Variants in PER3 observed in about 807,000 individuals in gnomAD.
PER3 encodes period circadian regulator 3.
Under a neutral mutation model 127.2 loss-of-function variants are expected in PER3, and 107 were observed. That is an observed-to-expected ratio of 0.84 (90% CI 0.72 to 0.99). The LOEUF (loss-of-function observed/expected upper bound fraction) is 0.99. Among genes scored for constraint, PER3 ranks in the 50% least tolerant of loss-of-function variants. The pLI is 0.00. For synonymous variants in PER3, 618 were observed against 585.8 expected, an observed-to-expected ratio of 1.05 and a Z score of -0.79; for missense variants, 1,560 against 1,525.8, an observed-to-expected ratio of 1.02 and a Z score of -0.37.
At position 7,794,019 on chromosome 1, in the gene PER3, T is replaced by A. The variant is rs1216854722; in HGVS notation, c.644+11T>A. The A allele has an allele frequency of 6.2e-7, 1 of 1,610,166 alleles. No individual in the cohort carries two copies. Among genetic ancestry groups the A allele is most frequent in the African/African-American group, 1.3e-5 (1 of 74,964 alleles). On this transcript the variant is annotated intron_variant, in intron 6 of 21. Transcript: ENST00000377532. ...TTTCTGCAGGATCCGGTAAGTATAG[T>A]GGCTCGTGGAAGCCAGCAACAGTGG...
intron 7 of PER3, among the ~76,000 whole-genome samples, chr1:7,799,330 T>C (rs1226914708): frequency 6.6e-6 from 1 of 152,084 alleles, no homozygotes; most frequent in Admixed American, 6.5e-5. Flanking sequence ...TCGTGCCGGG[T>C]GCAGTGGCTC....
intron 10 of PER3, 155 bp downstream of exon 10, chr1:7,804,003 C>T (rs925955010): frequency 1.4e-4 from 78 of 575,596 alleles, no homozygotes; most frequent in Admixed American, 9.8e-5. Flanking sequence ...CAGTGTGTAC[C>T]GTGAGCCTTA....
chr1:7,831,496 A>T (rs1241934210), intron 19 of PER3, among the ~76,000 whole-genome samples: 2 of 152,184 alleles, frequency 1.3e-5, no homozygotes, highest in African/African-American at 4.8e-5. Context: ...TAATAGAAAT[A>T]GGAAAATAGA....
chr1:7,809,070 C>A, intron 11 of PER3, 72 bp downstream of exon 11: 1 of 742,074 alleles, frequency 1.3e-6, no homozygotes, highest in Non-Finnish European at 2.3e-6. Context: ...AAATTCACTT[C>A]ACAAAAATAA....
intron 13 of PER3, among the ~76,000 whole-genome samples, chr1:7,818,243 T>G (rs1048338639): frequency 1.3e-5 from 2 of 152,216 alleles, no homozygotes; most frequent in African/African-American, 4.8e-5. Flanking sequence ...ATGGTAACAT[T>G]AGTGGAAGCT....
At chr1:7,793,154 A>G (rs549328777) in intron 5 of PER3, among the ~76,000 whole-genome samples, 5 of 152,310 alleles carry the variant, frequency 3.3e-5, no homozygotes, top group African/African-American at 9.6e-5. Flanking sequence ...ACAGTTTTCC[A>G]TGGTTCCTAT....
intron 13 of PER3, among the ~76,000 whole-genome samples, chr1:7,817,458 A>G (rs1364296047): frequency 1.3e-5 from 2 of 152,240 alleles, no homozygotes; most frequent in African/African-American, 2.4e-5. Context: ...ATACAAAATT[A>G]TGAATGTGCA....
chr1:7,800,365 A>C (rs916797054), intron 7 of PER3, among the ~76,000 whole-genome samples: 1 of 149,236 alleles, frequency 6.7e-6, no homozygotes, highest in Non-Finnish European at 1.5e-5. Flanking sequence ...CCACCACCCC[A>C]CCCTGCTAAT....
Position 7,785,903 on chromosome 1 carries a change from T to C in PER3, c.274+317T>C, listed in dbSNP as rs558738621. Among the ~76,000 whole-genome samples the C allele has an allele frequency of 2.0e-5, 3 of 152,184 alleles. No homozygotes were observed. The South Asian group carries it at 6.2e-4, about 31-fold the overall frequency. On this transcript the variant is annotated intron_variant, in intron 3 of 21. Transcript: ENST00000377532. ...GAAATATTGTCTTCTATGGAAGTTATGGGAAAAAAATGCATTCCACGAAAT... is the reference window on the plus strand; with the variant it reads ...GAAATATTGTCTTCTATGGAAGTTACGGGAAAAAAATGCATTCCACGAAAT...
intron 13 of PER3, among the ~76,000 whole-genome samples, chr1:7,816,735 T>C (rs943539940): frequency 6.6e-6 from 1 of 152,228 alleles, no homozygotes; most frequent in Non-Finnish European, 1.5e-5. Flanking sequence ...TAATGCCAAA[T>C]TGTACAGCCA....
Position 7,837,104 on chromosome 1 carries a change from T to A in PER3, c.3504T>A (p.Tyr1168Ter). ...HGQKEELAKVYNWIQSQTVTQ... is the reference protein window; with the variant it reads ...HGQKEELAKV ...AAAAGGAGGAGCTGGCTAAGGTGTATAATTGGATTCAAAGCCAGACTGTCA... is the reference window on the plus strand; with the variant it reads ...AAAAGGAGGAGCTGGCTAAGGTGTAAAATTGGATTCAAAGCCAGACTGTCA... The change falls in exon 21 of 22, where the codon TAT becomes TAA. Residue 1168 changes from tyrosine (Y) to a stop codon, truncating the protein, a stop_gained. Coordinates refer to ENST00000377532, the MANE Select transcript of PER3 (RefSeq NM_001377275.1). LOFTEE classifies it low-confidence loss of function (END_TRUNC). The A allele has an allele frequency of 6.2e-7, 1 of 1,614,066 alleles. No homozygotes were observed. The highest frequency in any genetic ancestry group is 8.5e-7 in the Non-Finnish European group (1 of 1,179,948).
chr1:7,821,720 C>T (rs10127838), intron 16 of PER3, among the ~76,000 whole-genome samples: 30,161 of 152,084 alleles, frequency 0.2, 3,177 homozygotes, highest in South Asian at 0.27. Context: ...GAAATTTTTA[C>T]TGCTATTAGT....
chr1:7,814,227 C>T (rs1280391571), intron 13 of PER3, among the ~76,000 whole-genome samples: 1 of 151,792 alleles, frequency 6.6e-6, no homozygotes, highest in Non-Finnish European at 1.5e-5. Context: ...AAATAACAGT[C>T]AGGAATTTTC....
intron 12 of PER3, 82 bp downstream of exon 12, chr1:7,810,103 A>G: frequency 7.5e-7 from 1 of 1,339,440 alleles, no homozygotes. Context: ...ACATCTTAGT[A>G]TATATTCCTG....
In PER3 at chr1:7,819,355, G is replaced by A. The variant is rs991549051; in HGVS notation, c.1593G>A (p.Glu531=). The A allele has an allele frequency of 1.2e-6, 2 of 1,613,844 alleles. No homozygotes were observed. Among genetic ancestry groups the A allele is most frequent in the Non-Finnish European group, 1.7e-6 (2 of 1,179,750 alleles). Residue 531 remains glutamate (E), a synonymous_variant, in exon 14 of 22, where the codon GAG becomes GAA. Transcript: ENST00000377532. Reference sequence around the variant, plus strand: ...ATAGTGTGTACACTGAGCCCTGTGAGGATTTGAGGAACGATGAGCACAGCC... The same window carrying A: ...ATAGTGTGTACACTGAGCCCTGTGAAGATTTGAGGAACGATGAGCACAGCC... ...KNNSVYTEPC[E]DLRNDEHSPS...
At chr1:7,796,739 G>C (rs1012855857) in intron 6 of PER3, among the ~76,000 whole-genome samples, 4 of 152,140 alleles carry the variant, frequency 2.6e-5, no homozygotes, top group African/African-American at 9.7e-5. Flanking sequence ...ATAGGCCAGC[G>C]TTCCGGGGGG....
In PER3 at chr1:7,827,709, C is replaced by A; in HGVS notation, c.2780C>A (p.Ser927Ter). ...AGCGAGGGGCACCCGTTCATTACTT[C>A]GAGAAGCAGCTCACCCTTGCAGTTA... is the stretch of plus-strand genomic sequence containing the variant. ...AQSEGHPFIT[S>*]RSSSPLQLNL... is the part of the protein sequence containing the mutation. Residue 927 changes from serine to a stop codon, truncating the protein, a stop_gained, in exon 18 of 22, where the codon TCG (serine) becomes TAG (stop). Coordinates refer to ENST00000377532, the MANE Select transcript of PER3 (RefSeq NM_001377275.1). LOFTEE classifies it high-confidence loss of function. 6.2e-7 allele frequency: 1 copy of A among 1,614,160 alleles called. No homozygotes were observed. Among genetic ancestry groups the A allele is most frequent in the Non-Finnish European group, 8.5e-7 (1 of 1,179,986 alleles).
chr1:7,842,284 C>G (rs561020374), intron 21 of PER3, among the ~76,000 whole-genome samples: 2 of 151,972 alleles, frequency 1.3e-5, no homozygotes, highest in East Asian at 3.9e-4. Context: ...GGGCGGATCA[C>G]GAGGTCAGGG....
rs144175871 is a variant in PER3 at position 7,785,513 on chromosome 1, C to T, written c.201C>T (p.Pro67=). The change falls in exon 3 of 22, where the codon CCC becomes CCT. Residue 67 remains proline, a synonymous_variant. Coordinates refer to ENST00000377532, the MANE Select transcript of PER3 (RefSeq NM_001377275.1). Reference sequence around the variant, plus strand: ...TCCAAGAAATGAAAAAATACTTCCCCTCGGAGAGACGCAATAAACCAAGCA... The same window carrying T: ...TCCAAGAAATGAAAAAATACTTCCCTTCGGAGAGACGCAATAAACCAAGCA... ...MVVQEMKKYF[P]SERRNKPSTL... The T allele has an allele frequency of 7.1e-5, 115 of 1,611,558 alleles. No individual in the cohort carries two copies. In the African/African-American group the frequency reaches 1.5e-3, roughly 21 times the overall value.
Sources: allele counts gnomAD v4.1 joint callset (sites outside exome capture counted in the v4.1 genomes callset), GRCh38; gene constraint gnomAD v4.1.1; transcripts MANE v1.5; gene names NCBI Gene and HGNC (gene_info 2026-07-23, HGNC 2026-07-21).